Variants in ATRNL1 observed in about 807,000 individuals in gnomAD.
The protein encoded by ATRNL1 is attractin-like protein 1.
ATRNL1 carries 95 observed loss-of-function variants against 182.7 expected under a neutral mutation model. The observed-to-expected ratio is 0.52, with a 90% confidence interval of 0.44 to 0.62. ATRNL1 has a LOEUF of 0.62. Among genes scored for constraint, ATRNL1 ranks in the 20% least tolerant of loss-of-function variants. The pLI, the probability that ATRNL1 is intolerant of heterozygous loss-of-function variation, is 0.00. For synonymous variants in ATRNL1, 576 were observed against 568.3 expected, an observed-to-expected ratio of 1.01 and a Z score of -0.19; for missense variants, 1,471 against 1,679.5, an observed-to-expected ratio of 0.88 and a Z score of 2.17.
At chr10:115,206,740 G>C (rs1003038254) in intron 8 of ATRNL1, among the ~76,000 whole-genome samples, 5 of 152,062 alleles carry the variant, frequency 3.3e-5, no homozygotes, top group Non-Finnish European at 1.5e-5. Context: ...ACAACGTGCA[G>C]GTTTGTTACA....
At chr10:115,405,472 C>A (rs530922552) in intron 20 of ATRNL1, among the ~76,000 whole-genome samples, 1 of 152,122 alleles carries the variant, frequency 6.6e-6, no homozygotes, top group African/African-American at 2.4e-5. Flanking sequence ...AGTGTAATCT[C>A]TTTTTATAAC....
chr10:115,546,565 T>TC (rs1852670476), intron 25 of ATRNL1, among the ~76,000 whole-genome samples: 3 of 135,922 alleles, frequency 2.2e-5, no homozygotes, highest in Middle Eastern at 3.5e-3. Context: ...AGACTCTGTC[T>TC]CAAAAAAAAA....
At chr10:115,319,130 G>A (rs184781409) in intron 18 of ATRNL1, among the ~76,000 whole-genome samples, 11 of 151,524 alleles carry the variant, frequency 7.3e-5, no homozygotes, top group South Asian at 2.1e-4. Flanking sequence ...TCTTTTCTGC[G>A]TTAGTTTTGT....
At chr10:115,330,700 G>T (rs527590504) in intron 18 of ATRNL1, among the ~76,000 whole-genome samples, 28 of 118,818 alleles carry the variant, frequency 2.4e-4, no homozygotes, top group African/African-American at 8.6e-4. Context: ...TTCTCATGCT[G>T]CTTTCAGTGT....
At chr10:115,505,740 C>A (rs532922808) in intron 24 of ATRNL1, among the ~76,000 whole-genome samples, 15 of 152,020 alleles carry the variant, frequency 9.9e-5, no homozygotes, top group African/African-American at 3.6e-4. Context: ...ACATGAACGC[C>A]TTTTAAATAC....
intron 3 of ATRNL1, among the ~76,000 whole-genome samples, chr10:115,126,234 A>ATT (rs1271667122): frequency 1.3e-5 from 2 of 151,880 alleles, no homozygotes; most frequent in East Asian, 3.9e-4. Context: ...ATTTTTTTGT[A>ATT]TTTTTAGTAG....
intron 26 of ATRNL1, among the ~76,000 whole-genome samples, chr10:115,572,845 T>G (rs1479515008): frequency 6.6e-6 from 1 of 152,154 alleles, no homozygotes; most frequent in African/African-American, 2.4e-5. Flanking sequence ...GACATATGAT[T>G]GGGGTGTGGC....
intron 26 of ATRNL1, among the ~76,000 whole-genome samples, chr10:115,567,495 T>G (rs72824739): frequency 0.015 from 2,331 of 152,246 alleles, 38 homozygotes; most frequent in Non-Finnish European, 0.024. Context: ...TTATATCAAT[T>G]AAAAGTACAT....
intron 26 of ATRNL1, among the ~76,000 whole-genome samples, chr10:115,572,692 C>G (rs1489914737): frequency 2.0e-5 from 3 of 152,134 alleles, no homozygotes; most frequent in African/African-American, 7.2e-5. Context: ...TCTGGGATTC[C>G]AGAGAGAGTT....
At chr10:115,816,665 G>T (rs1003696629) in intron 27 of ATRNL1, among the ~76,000 whole-genome samples, 3 of 151,892 alleles carry the variant, frequency 2.0e-5, no homozygotes, top group Non-Finnish European at 4.4e-5. Context: ...AGCCTTACCT[G>T]TTAAGTTTCA....
chr10:115,283,937 T>A (rs1564879479), intron 14 of ATRNL1, among the ~76,000 whole-genome samples: 1 of 152,206 alleles, frequency 6.6e-6, no homozygotes, highest in Non-Finnish European at 1.5e-5. Flanking sequence ...TCTCTTTTCT[T>A]AATTCATATT....
intron 8 of ATRNL1, among the ~76,000 whole-genome samples, chr10:115,208,738 G>A (rs782285765): frequency 2.0e-5 from 3 of 151,886 alleles, no homozygotes; most frequent in Non-Finnish European, 2.9e-5. Flanking sequence ...TAGTTTTCCC[G>A]TTTTGCACAT....
chr10:115,852,860 G>A (rs181353399), intron 28 of ATRNL1, among the ~76,000 whole-genome samples: 69 of 152,260 alleles, frequency 4.5e-4, no homozygotes, highest in Admixed American at 4.3e-3. Context: ...ATGCCGTGGC[G>A]CATCTGCTCA....
chr10:115,732,834 A>G (rs782604837), intron 27 of ATRNL1, among the ~76,000 whole-genome samples: 1 of 152,156 alleles, frequency 6.6e-6, no homozygotes, highest in South Asian at 2.1e-4. Context: ...AGTTACTTAA[A>G]GTTCATGTAG....
At chr10:115,536,267 G>A (rs1032497828) in intron 25 of ATRNL1, among the ~76,000 whole-genome samples, 1 of 152,218 alleles carries the variant, frequency 6.6e-6, no homozygotes, top group Non-Finnish European at 1.5e-5. Flanking sequence ...GCTCCACCCA[G>A]TTCAAGCTTC....
chr10:115,257,607 A>C (rs1851208846), intron 10 of ATRNL1, among the ~76,000 whole-genome samples: 1 of 152,108 alleles, frequency 6.6e-6, no homozygotes, highest in South Asian at 2.1e-4. Flanking sequence ...GCCCATTTCC[A>C]TTTAAGGTTA....
intron 8 of ATRNL1, among the ~76,000 whole-genome samples, chr10:115,190,321 C>G (rs1454337720): frequency 6.6e-6 from 1 of 151,952 alleles, no homozygotes; most frequent in Non-Finnish European, 1.5e-5. Context: ...TGCTTTTAAG[C>G]TATTTAGGAA....
chr10:115,160,317 GT>G, intron 6 of ATRNL1, 103 bp downstream of exon 6: 1 of 1,115,968 alleles, frequency 9.0e-7, no homozygotes, highest in Non-Finnish European at 1.3e-6. Context: ...GGTTATTTTT[GT>G]GGTAGTGTCT....
chr10:115,327,424 A>C (rs1453659583), intron 18 of ATRNL1, among the ~76,000 whole-genome samples: 1 of 152,210 alleles, frequency 6.6e-6, no homozygotes, highest in South Asian at 2.1e-4. Context: ...GTCATTCAAA[A>C]GTCAGGAAAC....
Sources: gnomAD v4.1 joint callset for allele counts (sites outside exome capture counted in the v4.1 genomes callset) on GRCh38, gnomAD v4.1.1 for gene constraint, MANE v1.5 for transcripts, NCBI Gene and HGNC (gene_info 2026-07-23, HGNC 2026-07-21) for gene names.